The following PKNOX2 variants were observed in gnomAD, a reference collection of about 807,000 sequenced individuals.
PKNOX2 encodes PBX/knotted 1 homeobox 2, also known as homeobox protein PKNOX2.
PKNOX2 carries 14 observed loss-of-function variants against 53.1 expected under a neutral mutation model. That is an observed-to-expected ratio of 0.26 (90% CI 0.17 to 0.41). The LOEUF (loss-of-function observed/expected upper bound fraction) is 0.41. PKNOX2 is among the 10% of genes least tolerant of loss of function. The pLI is 1.00. For synonymous variants in PKNOX2, 257 were observed against 242.8 expected (o/e 1.06, Z -0.54); for missense variants, 496 against 602.8 (o/e 0.82, Z 1.85).
chr11:125,236,194 G>T (rs1942669467), intron 2 of PKNOX2, among the ~76,000 whole-genome samples: 1 of 152,228 alleles, frequency 6.6e-6, no homozygotes, highest in African/African-American at 2.4e-5. Context: ...CCCGGTGAGT[G>T]AGCAGGGCGC....
At chr11:125,350,908 C>A (rs1951268736) in intron 3 of PKNOX2, among the ~76,000 whole-genome samples, 1 of 152,100 alleles carries the variant, frequency 6.6e-6, no homozygotes, top group South Asian at 2.1e-4. Flanking sequence ...AACTCAGGGT[C>A]CTCCTGGGGA....
At chr11:125,259,943 C>A (rs1944711224) in intron 2 of PKNOX2, among the ~76,000 whole-genome samples, 1 of 151,626 alleles carries the variant, frequency 6.6e-6, no homozygotes, top group South Asian at 2.1e-4. Context: ...GTGGCACAAT[C>A]ACAGCTCATT....
At chr11:125,242,979 G>A (rs902898476) in intron 2 of PKNOX2, among the ~76,000 whole-genome samples, 1 of 152,130 alleles carries the variant, frequency 6.6e-6, no homozygotes, top group Admixed American at 6.5e-5. Context: ...TTACTTAGCT[G>A]GGAACTTGGG....
At chr11:125,322,216 A>C (rs1415725359) in intron 2 of PKNOX2, among the ~76,000 whole-genome samples, 3 of 152,052 alleles carry the variant, frequency 2.0e-5, no homozygotes, top group African/African-American at 7.3e-5. Flanking sequence ...TCAAAAAAAA[A>C]CGTATATATA....
At chr11:125,273,975 C>T (rs1945990233) in intron 2 of PKNOX2, among the ~76,000 whole-genome samples, 1 of 152,138 alleles carries the variant, frequency 6.6e-6, no homozygotes, top group South Asian at 2.1e-4. Flanking sequence ...GTGAGTGAGG[C>T]CAGGCTGGGG....
rs932460729 is a variant in PKNOX2, at chr11:125,429,885, G to A, written c.1014-78G>A. The A allele has an allele frequency of 1.6e-5, 23 of 1,457,928 alleles. No homozygotes were observed. The South Asian group carries it at 3.0e-4, about 19-fold the overall frequency. 90.3% of individuals were successfully genotyped at this position (1,457,928 alleles called of 1,614,324 possible). A position where few individuals can be genotyped will look rare whatever the true frequency, so the allele number is the denominator to read the frequency against. On this transcript the variant is annotated intron_variant, in intron 11 of 12. Coordinates refer to ENST00000298282, the MANE Select transcript of PKNOX2 (RefSeq NM_001382323.2). The stretch of plus-strand genomic sequence containing the variant: ...CTGCTCTGTGAAATGGAGTCTGAAG[G>A]CAGCTTCACCCTCCCTGCCCCCACC...
At chr11:125,269,793 C>T (rs1945648586) in intron 2 of PKNOX2, among the ~76,000 whole-genome samples, 1 of 152,186 alleles carries the variant, frequency 6.6e-6, no homozygotes, top group African/African-American at 2.4e-5. Context: ...AGATGTAGGA[C>T]ATTTGGTACA....
intron 12 of PKNOX2, 82 bp downstream of exon 12, chr11:125,430,223 C>T: frequency 6.7e-7 from 1 of 1,482,432 alleles, no homozygotes; most frequent in East Asian, 2.4e-5. Context: ...TGCAAAGATT[C>T]AAGGGCTATC....
intron 2 of PKNOX2, among the ~76,000 whole-genome samples, chr11:125,265,193 A>G (rs181400910): frequency 6.3e-4 from 96 of 152,198 alleles, no homozygotes; most frequent in Admixed American, 1.3e-3. Flanking sequence ...AGGCTGAGGC[A>G]GGAGATTGCC....
chr11:125,184,927 G>A (rs1591472992), intron 1 of PKNOX2, among the ~76,000 whole-genome samples: 1 of 152,174 alleles, frequency 6.6e-6, no homozygotes, highest in African/African-American at 2.4e-5. Context: ...GGTAGGCAAC[G>A]TCCAGGGCTC....
At chr11:125,375,415 C>T (rs146527224) in intron 5 of PKNOX2, among the ~76,000 whole-genome samples, 1,978 of 152,190 alleles carry the variant, frequency 0.013, 39 homozygotes, top group African/African-American at 0.044. Flanking sequence ...AGGGGGAAGG[C>T]AGATGAAGTG....
At chr11:125,231,633 A>G (rs1942210491) in intron 1 of PKNOX2, among the ~76,000 whole-genome samples, 1 of 152,208 alleles carries the variant, frequency 6.6e-6, no homozygotes, top group African/African-American at 2.4e-5. Flanking sequence ...CCAGTCCAGG[A>G]AGACTTTTTC....
chr11:125,324,385 C>T (rs1208037537), intron 2 of PKNOX2, among the ~76,000 whole-genome samples: 1 of 152,214 alleles, frequency 6.6e-6, no homozygotes, highest in Non-Finnish European at 1.5e-5. Context: ...GTGTGTTATA[C>T]ACTCCACATG....
At chr11:125,346,126 C>A (rs1240510153) in intron 3 of PKNOX2, among the ~76,000 whole-genome samples, 1 of 125,134 alleles carries the variant, frequency 8.0e-6, no homozygotes, top group Non-Finnish European at 1.6e-5. Flanking sequence ...CAGCCTCCTG[C>A]AAATCTGTCT....
chr11:125,172,360 C>T (rs1955389711), intron 1 of PKNOX2, among the ~76,000 whole-genome samples: 1 of 152,212 alleles, frequency 6.6e-6, no homozygotes, highest in Admixed American at 6.5e-5. Flanking sequence ...AAACAAATCA[C>T]TTCACTCCTG....
intron 1 of PKNOX2, among the ~76,000 whole-genome samples, chr11:125,233,232 T>C (rs1942381149): frequency 6.6e-6 from 1 of 152,234 alleles, no homozygotes; most frequent in African/African-American, 2.4e-5. Flanking sequence ...TTGCATCATG[T>C]GCACCTGAAA....
At chr11:125,299,223 C>T (rs12287268) in intron 2 of PKNOX2, among the ~76,000 whole-genome samples, 17,521 of 152,136 alleles carry the variant, frequency 0.12, 1,369 homozygotes, top group East Asian at 0.25. Flanking sequence ...GGGAGAGCAC[C>T]AAGCCGTTCA....
intron 2 of PKNOX2, among the ~76,000 whole-genome samples, chr11:125,280,019 A>G (rs1946440322): frequency 6.6e-6 from 1 of 151,292 alleles, no homozygotes. Context: ...CTTTAAAGGA[A>G]CTGTTATGAA....
At chr11:125,234,103 C>T (rs924095169) in intron 1 of PKNOX2, among the ~76,000 whole-genome samples, 1 of 152,226 alleles carries the variant, frequency 6.6e-6, no homozygotes, top group African/African-American at 2.4e-5. Flanking sequence ...TCCCTCCCAC[C>T]AGCCAATTCT....
Sources: allele counts gnomAD v4.1 joint callset (sites outside exome capture counted in the v4.1 genomes callset), GRCh38; gene constraint gnomAD v4.1.1; transcripts MANE v1.5; gene names NCBI Gene and HGNC (gene_info 2026-07-23, HGNC 2026-07-21).